The following RFX3 variants were observed in gnomAD, a reference collection of about 807,000 sequenced individuals.
RFX3 encodes transcription factor RFX3.
A neutral mutation model predicts 98.6 loss-of-function variants in RFX3; 14 were observed. That is an observed-to-expected ratio of 0.14 (90% confidence interval 0.09 to 0.22). The LOEUF (loss-of-function observed/expected upper bound fraction) is 0.22. RFX3 is among the 10% of genes least tolerant of loss of function. The pLI, the probability that RFX3 is intolerant of heterozygous loss-of-function variation, is 1.00. For missense variants in RFX3, 639 were observed against 926.9 expected (o/e 0.69, Z 4.03); for synonymous variants, 383 against 328.4 (o/e 1.17, Z -1.80).
At chr9:3,375,285 C>G (rs1358395508) in intron 2 of RFX3, among the ~76,000 whole-genome samples, 2 of 152,192 alleles carry the variant, frequency 1.3e-5, no homozygotes, top group East Asian at 1.9e-4. Flanking sequence ...TCTGGTCAGA[C>G]AGCTATCAGG....
intron 11 of RFX3, among the ~76,000 whole-genome samples, chr9:3,268,608 A>G (rs776192180): frequency 5.9e-5 from 9 of 151,922 alleles, no homozygotes; most frequent in Non-Finnish European, 1.3e-4. Context: ...AGAGACTACA[A>G]AACTATTCGG....
chr9:3,420,665 A>G (rs1843367325), intron 1 of RFX3: 7 of 392,448 alleles, frequency 1.8e-5, no homozygotes, highest in Non-Finnish European at 2.4e-5. Context: ...CATAGATAAA[A>G]GAAGAGGAGT....
Position 3,395,509 on chromosome 9 carries a change from G to C in RFX3, c.80C>G (p.Pro27Arg). 1 of 1,614,148 alleles carries C rather than the reference G, an allele frequency of 6.2e-7. No individual in the cohort carries two copies. Among genetic ancestry groups the C allele is most frequent in the Non-Finnish European group, 8.5e-7 (1 of 1,179,994 alleles). The change falls in exon 2 of 17, where the codon CCT (proline) becomes CGT (arginine). Residue 27 changes from proline (P) to arginine (R), a missense_variant. This residue lies in a region of RFX3 where 210 missense variants were observed against 197.7 expected (regional missense o/e 1.06). Transcript: ENST00000617270. The part of the protein sequence containing the change: ...QTSVASQAAV[P>R]TQVVQQVPVQ... ...TGGTACTTGCTGTACCACCTGCGTA[G>C]GCACTGCTGCTTGACTAGCCACAGA...
chr9:3,451,476 C>A (rs959243651), intron 1 of RFX3, among the ~76,000 whole-genome samples: 1 of 152,068 alleles, frequency 6.6e-6, no homozygotes, highest in Non-Finnish European at 1.5e-5. Context: ...CCCAGGAGGT[C>A]GAGGCGGCAG....
At chr9:3,490,175 C>G (rs1185660129) in intron 1 of RFX3, 1 of 253,816 alleles carries the variant, frequency 3.9e-6, no homozygotes, top group Non-Finnish European at 6.2e-6. Context: ...AAGAAAATTA[C>G]TATTGAAAAA....
chr9:3,482,390 G>C (rs957570756), intron 1 of RFX3, among the ~76,000 whole-genome samples: 1 of 152,052 alleles, frequency 6.6e-6, no homozygotes, highest in East Asian at 1.9e-4. Flanking sequence ...TGCTCAAGCA[G>C]ATATGTAGTC....
chr9:3,401,902 A>G (rs945339192), intron 1 of RFX3, among the ~76,000 whole-genome samples: 1 of 152,228 alleles, frequency 6.6e-6, no homozygotes, highest in African/African-American at 2.4e-5. Flanking sequence ...GCAAAAACCC[A>G]GATGCTGAAT....
At chr9:3,383,084 A>T (rs1839358195) in intron 2 of RFX3, among the ~76,000 whole-genome samples, 1 of 152,162 alleles carries the variant, frequency 6.6e-6, no homozygotes. Flanking sequence ...GAAAAATTGC[A>T]AGAATTATAC....
chr9:3,369,836 G>C (rs1457241649), intron 2 of RFX3, among the ~76,000 whole-genome samples: 1 of 151,968 alleles, frequency 6.6e-6, no homozygotes. Context: ...TGTTTTGTTT[G>C]TTTGTTTGTT....
At chr9:3,430,685 G>T (rs1844578763) in intron 1 of RFX3, among the ~76,000 whole-genome samples, 1 of 151,884 alleles carries the variant, frequency 6.6e-6, no homozygotes, top group South Asian at 2.1e-4. Context: ...AGACTTCAAT[G>T]TAATGTTGAC....
At chr9:3,307,155 G>C (rs1386551312) in intron 4 of RFX3, among the ~76,000 whole-genome samples, 1 of 152,096 alleles carries the variant, frequency 6.6e-6, no homozygotes, top group Non-Finnish European at 1.5e-5. Context: ...CCCCAGCCAC[G>C]ATGAACTGTG....
chr9:3,387,885 G>A (rs1839894843), intron 2 of RFX3, among the ~76,000 whole-genome samples: 2 of 152,028 alleles, frequency 1.3e-5, no homozygotes, highest in Non-Finnish European at 2.9e-5. Context: ...CAAACCTCTT[G>A]ACCCTGAACA....
chr9:3,466,067 T>A (rs1174854251), intron 1 of RFX3, among the ~76,000 whole-genome samples: 4 of 152,196 alleles, frequency 2.6e-5, no homozygotes, highest in Admixed American at 1.3e-4. Flanking sequence ...AAGTACCTAT[T>A]TATGCCATGC....
chr9:3,276,190 A>G (rs1025995931), intron 8 of RFX3, among the ~76,000 whole-genome samples: 1 of 152,164 alleles, frequency 6.6e-6, no homozygotes, highest in African/African-American at 2.4e-5. Context: ...TGGGTCTGAC[A>G]GATCTATACC....
At chr9:3,486,073 C>T (rs1208875050) in intron 1 of RFX3, among the ~76,000 whole-genome samples, 3 of 137,462 alleles carry the variant, frequency 2.2e-5, no homozygotes, top group African/African-American at 8.5e-5. Flanking sequence ...TGCAGTGAGC[C>T]GAGATCATCC....
rs552026404 is a variant in RFX3, at chr9:3,445,017, G to A, written c.-8-49421C>T. On this transcript the variant is annotated intron_variant, in intron 1 of 16. Transcript: ENST00000617270. ...ATTAGGAAAACAGAACAGATAGTTTGTACTTGGGGAGAAATACATTTAATC... is the reference window on the plus strand; with the variant it reads ...ATTAGGAAAACAGAACAGATAGTTTATACTTGGGGAGAAATACATTTAATC... 3.3e-5 allele frequency among the ~76,000 whole-genome samples: 5 copies of A among 152,244 alleles called. No homozygotes were observed. In the South Asian group the frequency reaches 6.2e-4, roughly 19 times the overall value.
chr9:3,489,621 C>G (rs1446321025), intron 1 of RFX3: 2 of 156,764 alleles, frequency 1.3e-5, no homozygotes, highest in Non-Finnish European at 2.8e-5. Context: ...TTAATTGAAA[C>G]TTCCTTTGAT....
chr9:3,265,948 A>G (rs1411249969), intron 12 of RFX3, among the ~76,000 whole-genome samples: 1 of 152,066 alleles, frequency 6.6e-6, no homozygotes, highest in African/African-American at 2.4e-5. Context: ...TATATCTACT[A>G]TATTGTTTAG....
chr9:3,459,548 A>G (rs1847498658), intron 1 of RFX3, among the ~76,000 whole-genome samples: 1 of 152,118 alleles, frequency 6.6e-6, no homozygotes, highest in African/African-American at 2.4e-5. Context: ...CTAAAAAGCG[A>G]CCCGAATCAA....
Sources: allele counts gnomAD v4.1 joint callset (sites outside exome capture counted in the v4.1 genomes callset), GRCh38; gene constraint gnomAD v4.1.1; regional missense constraint gnomAD v4.1.1; transcripts MANE v1.5; gene names NCBI Gene and HGNC (gene_info 2026-07-23, HGNC 2026-07-21).